MED13L: variants seen among roughly 807,000 people sequenced by gnomAD.
MED13L encodes the protein mediator complex subunit 13L.
In MED13L, 7 loss-of-function variants were observed where a neutral mutation model predicts 220.9. The observed-to-expected ratio is 0.03, with a 90% CI of 0.02 to 0.06. MED13L has a LOEUF of 0.06. MED13L is among the 10% of genes least tolerant of loss of function. MED13L has a pLI of 1.00. For missense variants in MED13L, 1,965 were observed against 2,760.5 expected (o/e 0.71, Z 6.46); for synonymous variants, 1,011 against 1,015.2 (o/e 1.00, Z 0.08).
At chr12:116,048,160 A>C (rs923748706) in intron 4 of MED13L, among the ~76,000 whole-genome samples, 1 of 152,082 alleles carries the variant, frequency 6.6e-6, no homozygotes, top group African/African-American at 2.4e-5. Flanking sequence ...GGGAACTAAA[A>C]TTTGAAAAAG....
chr12:116,146,675 G>C (rs1187768195), intron 2 of MED13L, among the ~76,000 whole-genome samples: 4 of 151,844 alleles, frequency 2.6e-5, no homozygotes, highest in African/African-American at 9.7e-5. Context: ...AGACCAGCCT[G>C]GCCAACGTGA....
At chr12:116,224,365 C>T (rs1019492645) in intron 2 of MED13L, among the ~76,000 whole-genome samples, 1 of 152,174 alleles carries the variant, frequency 6.6e-6, no homozygotes, top group South Asian at 2.1e-4. Flanking sequence ...ATTCTATCTA[C>T]CCTTTAAGGT....
At chr12:116,040,795 C>T (rs1055916928) in intron 4 of MED13L, among the ~76,000 whole-genome samples, 1 of 92,504 alleles carries the variant, frequency 1.1e-5, no homozygotes, top group Admixed American at 1.2e-4. Context: ...TAGGAGTCCT[C>T]AAAAAAAAAA....
At chr12:116,182,488 C>T (rs1880594555) in intron 2 of MED13L, among the ~76,000 whole-genome samples, 1 of 152,204 alleles carries the variant, frequency 6.6e-6, no homozygotes, top group Non-Finnish European at 1.5e-5. Context: ...CCTCTGTACT[C>T]CATACTCTCT....
chr12:116,102,017 C>T (rs1873100899), intron 3 of MED13L, among the ~76,000 whole-genome samples: 1 of 152,110 alleles, frequency 6.6e-6, no homozygotes, highest in African/African-American at 2.4e-5. Flanking sequence ...CACTGTGATG[C>T]CAGATTTATA....
intron 2 of MED13L, 50 bp from the exon 3 acceptor site, chr12:116,111,562 C>G (rs768435095): frequency 5.0e-6 from 7 of 1,409,776 alleles, no homozygotes; most frequent in Admixed American, 2.0e-5. Context: ...AAAAGGACAT[C>G]CAAATAAAAA....
intron 16 of MED13L, among the ~76,000 whole-genome samples, chr12:115,994,928 G>C (rs370414613): frequency 6.6e-6 from 1 of 152,170 alleles, no homozygotes; most frequent in African/African-American, 2.4e-5. Context: ...AGTCCTGTGC[G>C]GGAGGCAGAG....
intron 2 of MED13L, among the ~76,000 whole-genome samples, chr12:116,172,734 C>T (rs893869588): frequency 1.3e-5 from 2 of 152,012 alleles, no homozygotes; most frequent in East Asian, 3.9e-4. Context: ...GCGACAGACT[C>T]AGAAAATTGC....
intron 2 of MED13L, among the ~76,000 whole-genome samples, chr12:116,192,905 G>C (rs1407918737): frequency 1.3e-5 from 2 of 152,140 alleles, no homozygotes; most frequent in Non-Finnish European, 2.9e-5. Flanking sequence ...GGCTGAGGCG[G>C]GCAGATCACC....
intron 2 of MED13L, among the ~76,000 whole-genome samples, chr12:116,131,224 GATT>G (rs1039926332): frequency 9.9e-5 from 15 of 152,140 alleles, no homozygotes; most frequent in African/African-American, 3.1e-4. Context: ...AGAAAGGAAG[GATT>G]ATAAGGAAAG....
intron 2 of MED13L, among the ~76,000 whole-genome samples, chr12:116,130,615 C>T (rs1875982905): frequency 6.6e-6 from 1 of 152,162 alleles, no homozygotes; most frequent in African/African-American, 2.4e-5. Context: ...CAGCCTTTTC[C>T]CTTCAAGCCA....
chr12:116,095,171 AAAG>A (rs1289995315), intron 4 of MED13L, among the ~76,000 whole-genome samples: 2 of 152,206 alleles, frequency 1.3e-5, no homozygotes, highest in African/African-American at 4.8e-5. Context: ...TCAAAAACTT[AAAG>A]AAGTAAAAAT....
chr12:116,073,654 T>C (rs987445898), intron 4 of MED13L, among the ~76,000 whole-genome samples: 6 of 152,204 alleles, frequency 3.9e-5, no homozygotes, highest in Non-Finnish European at 7.3e-5. Flanking sequence ...CCAAAATCTA[T>C]TATTGAGGAA....
intron 1 of MED13L, among the ~76,000 whole-genome samples, chr12:116,247,459 G>A (rs900165349): frequency 2.0e-5 from 3 of 152,108 alleles, no homozygotes; most frequent in Non-Finnish European, 4.4e-5. Context: ...CTCCATTTTA[G>A]ACTATTAAAA....
intron 2 of MED13L, among the ~76,000 whole-genome samples, chr12:116,193,478 T>G (rs543292506): frequency 3.6e-4 from 55 of 152,278 alleles, no homozygotes; most frequent in South Asian, 2.5e-3. Flanking sequence ...ACATATTAAC[T>G]TACTGTTTTA....
intron 2 of MED13L, among the ~76,000 whole-genome samples, chr12:116,229,188 G>C (rs941372391): frequency 5.9e-5 from 9 of 152,084 alleles, no homozygotes; most frequent in Non-Finnish European, 1.2e-4. Context: ...AAAAATGTTA[G>C]ACTAAACACT....
chr12:116,017,487 A>G (rs1336165453), intron 7 of MED13L, among the ~76,000 whole-genome samples: 7 of 152,248 alleles, frequency 4.6e-5, no homozygotes, highest in Non-Finnish European at 4.4e-5. Context: ...TTATATTCAT[A>G]TATCTTCTCT....
At chr12:116,141,306 G>C (rs1358545855) in intron 2 of MED13L, among the ~76,000 whole-genome samples, 2 of 152,124 alleles carry the variant, frequency 1.3e-5, no homozygotes, top group Non-Finnish European at 2.9e-5. Flanking sequence ...TAAACATTAG[G>C]TGGCAGCAGC....
intron 28 of MED13L, among the ~76,000 whole-genome samples, chr12:115,967,517 C>T (rs772204796): frequency 1.6e-4 from 24 of 152,170 alleles, no homozygotes; most frequent in Non-Finnish European, 3.1e-4. Flanking sequence ...TACAGCATAC[C>T]TCTGTTTCTT....
Sources: allele counts gnomAD v4.1 joint callset (sites outside exome capture counted in the v4.1 genomes callset), GRCh38; gene constraint gnomAD v4.1.1; transcripts MANE v1.5; gene names NCBI Gene and HGNC (gene_info 2026-07-23, HGNC 2026-07-21).